ELOVL6: variants seen among roughly 807,000 people sequenced by gnomAD.
ELOVL6 encodes very long chain fatty acid elongase 6.
In ELOVL6, 8 loss-of-function variants were observed where a neutral mutation model predicts 31.7. The ratio of observed to expected loss-of-function variants is 0.25; its 90% CI spans 0.15 to 0.45. The LOEUF (loss-of-function observed/expected upper bound fraction) is 0.45, where lower values mean the gene tolerates loss of function less well. ELOVL6 is among the 20% of genes least tolerant of loss of function. The pLI is 1.00. For missense variants in ELOVL6, 126 were observed against 326.4 expected, an observed-to-expected ratio of 0.39 and a Z score of 4.73; for synonymous variants, 101 against 117.7, an observed-to-expected ratio of 0.86 and a Z score of 0.92.
intron 2 of ELOVL6, among the ~76,000 whole-genome samples, chr4:110,084,227 T>C (rs1347714765): frequency 2.0e-5 from 2 of 100,062 alleles, no homozygotes; most frequent in African/African-American, 9.9e-5. Flanking sequence ...ACTTATATGA[T>C]ATATATAACA....
chr4:110,113,992 T>G (rs1014794777), intron 1 of ELOVL6, among the ~76,000 whole-genome samples: 1 of 152,198 alleles, frequency 6.6e-6, no homozygotes, highest in Non-Finnish European at 1.5e-5. Flanking sequence ...GGCATGCACC[T>G]GTAGTCCCAG....
At chr4:110,146,150 T>C (rs1436408889) in intron 1 of ELOVL6, among the ~76,000 whole-genome samples, 1 of 152,248 alleles carries the variant, frequency 6.6e-6, no homozygotes, top group Non-Finnish European at 1.5e-5. Context: ...AACAGACACA[T>C]TGATCAATGG....
chr4:110,109,546 G>T (rs1756973027), intron 1 of ELOVL6, among the ~76,000 whole-genome samples: 1 of 152,150 alleles, frequency 6.6e-6, no homozygotes, highest in Non-Finnish European at 1.5e-5. Flanking sequence ...ATACTATCTT[G>T]TTCCAAAGCA....
At chr4:110,163,008 C>G (rs138718496) in intron 1 of ELOVL6, among the ~76,000 whole-genome samples, 3 of 152,170 alleles carry the variant, frequency 2.0e-5, no homozygotes, top group Admixed American at 1.3e-4. Flanking sequence ...AAAATCAGTC[C>G]CTGTGAATGA....
intron 2 of ELOVL6, among the ~76,000 whole-genome samples, chr4:110,073,834 T>C (rs760354302): frequency 6.6e-6 from 1 of 152,226 alleles, no homozygotes; most frequent in Non-Finnish European, 1.5e-5. Flanking sequence ...CGCTGGAAGA[T>C]AATTGGTTTA....
chr4:110,099,380 A>T (rs7668795), intron 2 of ELOVL6, among the ~76,000 whole-genome samples: 46,870 of 151,950 alleles, frequency 0.31, 8,293 homozygotes, highest in East Asian at 0.7. Context: ...AAGCCAGAGA[A>T]GAAATTTAAT....
At chr4:110,179,042 A>T (rs7683141) in intron 1 of ELOVL6, among the ~76,000 whole-genome samples, 1 of 152,196 alleles carries the variant, frequency 6.6e-6, no homozygotes, top group Admixed American at 6.5e-5. Context: ...GTCTCTGCAA[A>T]AGTATGTATT....
rs1553953501 is a variant in ELOVL6, at chr4:110,056,123, G to GC, written c.373+3479_373+3480insG. ...ACAAGAGTTTGAGTTTGTGGGAGCT[G>GC]GGGGGGGGGATACAGTTTCAGTACT... On this transcript the variant is annotated intron_variant, in intron 3 of 3. Coordinates refer to ENST00000302274, the MANE Select transcript of ELOVL6 (RefSeq NM_024090.3). Among the ~76,000 whole-genome samples, 3 of 60,464 alleles carry GC rather than the reference G, an allele frequency of 5.0e-5. No homozygotes were observed. The East Asian group carries it at 1.1e-3, about 21-fold the overall frequency. The allele number at this position is 60,464 out of a possible 152,430, so 39.7% of individuals were successfully genotyped here. A position where few individuals can be genotyped will look rare whatever the true frequency, so the allele number is the denominator to read the frequency against.
chr4:110,054,823 G>C (rs1754934266), intron 3 of ELOVL6, among the ~76,000 whole-genome samples: 1 of 152,146 alleles, frequency 6.6e-6, no homozygotes, highest in South Asian at 2.1e-4. Context: ...GGTGTTTCTA[G>C]TTACTTTAGG....
chr4:110,102,449 T>A (rs1338949958), intron 2 of ELOVL6, among the ~76,000 whole-genome samples: 1 of 152,058 alleles, frequency 6.6e-6, no homozygotes, highest in Non-Finnish European at 1.5e-5. Context: ...TGGTAAAGAT[T>A]GTTTGTGACT....
intron 1 of ELOVL6, among the ~76,000 whole-genome samples, chr4:110,194,714 T>C (rs2126283448): frequency 6.6e-6 from 1 of 152,308 alleles, no homozygotes; most frequent in Middle Eastern, 3.4e-3. Flanking sequence ...ATTTGCGCTA[T>C]GGTTAGTAAG....
At chr4:110,110,391 T>A (rs1278116203) in intron 1 of ELOVL6, among the ~76,000 whole-genome samples, 1 of 147,480 alleles carries the variant, frequency 6.8e-6, no homozygotes, top group African/African-American at 2.5e-5. Flanking sequence ...AAATGGAAAT[T>A]TTTCCGCAGA....
chr4:110,077,834 A>T (rs944462238), intron 2 of ELOVL6, among the ~76,000 whole-genome samples: 7 of 152,018 alleles, frequency 4.6e-5, no homozygotes, highest in African/African-American at 1.7e-4. Context: ...GAAGTTAAAA[A>T]CCTTGAAAAA....
intron 1 of ELOVL6, among the ~76,000 whole-genome samples, chr4:110,127,937 G>A (rs1174617041): frequency 5.9e-5 from 9 of 152,136 alleles, no homozygotes; most frequent in Non-Finnish European, 1.5e-5. Context: ...GCTGGGCACA[G>A]TGGCTTACAC....
chr4:110,124,238 A>G (rs190905892), intron 1 of ELOVL6, among the ~76,000 whole-genome samples: 1 of 152,286 alleles, frequency 6.6e-6, no homozygotes, highest in East Asian at 1.9e-4. Flanking sequence ...ATTATAATGA[A>G]TGTTTGCTTA....
At chr4:110,128,808 T>C (rs1757585397) in intron 1 of ELOVL6, among the ~76,000 whole-genome samples, 1 of 152,186 alleles carries the variant, frequency 6.6e-6, no homozygotes, top group South Asian at 2.1e-4. Context: ...CATGCAACAA[T>C]GTCAGTTTCA....
chr4:110,123,705 A>G (rs1757415401), intron 1 of ELOVL6, among the ~76,000 whole-genome samples: 1 of 152,180 alleles, frequency 6.6e-6, no homozygotes, highest in Non-Finnish European at 1.5e-5. Context: ...TAAGGCAGGG[A>G]ATAGCCAAGG....
intron 2 of ELOVL6, among the ~76,000 whole-genome samples, chr4:110,102,567 T>C (rs1346016784): frequency 2.0e-5 from 3 of 151,664 alleles, no homozygotes; most frequent in South Asian, 2.1e-4. Context: ...GCTAAGTTAG[T>C]AGGATCACTT....
At chr4:110,124,236 G>T (rs929891446) in intron 1 of ELOVL6, among the ~76,000 whole-genome samples, 7 of 152,120 alleles carry the variant, frequency 4.6e-5, no homozygotes, top group Admixed American at 3.3e-4. Context: ...CTATTATAAT[G>T]AATGTTTGCT....
Sources: allele counts gnomAD v4.1 joint callset (sites outside exome capture counted in the v4.1 genomes callset), GRCh38; gene constraint gnomAD v4.1.1; transcripts MANE v1.5; gene names NCBI Gene and HGNC (gene_info 2026-07-23, HGNC 2026-07-21).